Variants in RIPOR2 observed in about 807,000 individuals in gnomAD.
The protein encoded by RIPOR2 is RHO family interacting cell polarization regulator 2.
RIPOR2 carries 39 observed loss-of-function variants against 114.5 expected under a neutral mutation model. The observed-to-expected ratio is 0.34, with a 90% CI of 0.26 to 0.44. RIPOR2 has a LOEUF of 0.44. RIPOR2 is among the 20% of genes least tolerant of loss of function. RIPOR2 has a pLI of 1.00. For missense variants in RIPOR2, 1,007 were observed against 1,255.1 expected (o/e 0.80, Z 2.99); for synonymous variants, 445 against 484.4 (o/e 0.92, Z 1.07).
intron 1 of RIPOR2, among the ~76,000 whole-genome samples, chr6:24,979,283 C>CTTTTTTTTTTT (rs60372040): frequency 4.0e-5 from 4 of 99,458 alleles, no homozygotes; most frequent in African/African-American, 4.1e-5. Context: ...TAGGGAAATT[C>CTTTTTTTTTTT]TTTTTTTTTT....
At chr6:25,008,238 G>A (rs537203463) in intron 1 of RIPOR2, among the ~76,000 whole-genome samples, 2 of 151,878 alleles carry the variant, frequency 1.3e-5, no homozygotes, top group African/African-American at 4.8e-5. Flanking sequence ...AGCTGATCTC[G>A]AACTCCTGAC....
In RIPOR2 at chr6:24,828,147, C is replaced by T. The variant is rs1474793040; in HGVS notation, c.2655G>A (p.Leu885=). The T allele has an allele frequency of 2.6e-6, 4 of 1,547,148 alleles. No homozygotes were observed. In the African/African-American group the frequency reaches 5.5e-5, roughly 21 times the overall value. Residue 885 remains leucine, a synonymous_variant, in exon 18 of 22, where the codon CTG becomes CTA. Transcript: ENST00000643898. ...VSDLESYLSQ[L]ARQVSMVQTL... ...AAGAACATGTCCCACCTTGCCTGGC[C>T]AGCTGGCTCAGGTAACTCTCCAGGT...
chr6:24,938,171 C>T (rs1411866607), upstream of RIPOR2, among the ~76,000 whole-genome samples: 1 of 152,094 alleles, frequency 6.6e-6, no homozygotes, highest in East Asian at 1.9e-4. Flanking sequence ...GAGGATGGGT[C>T]CTTAATCCAA....
intron 1 of RIPOR2, among the ~76,000 whole-genome samples, chr6:24,921,216 G>T (rs1408807992): frequency 6.6e-6 from 1 of 152,084 alleles, no homozygotes; most frequent in Admixed American, 6.5e-5. Context: ...AGGCTGGAGT[G>T]CAGTGGCATG....
chr6:24,871,649 G>A (rs9461077), intron 4 of RIPOR2, among the ~76,000 whole-genome samples: 6 of 152,320 alleles, frequency 3.9e-5, no homozygotes, highest in African/African-American at 1.2e-4. Context: ...CACCACGCCC[G>A]GCCTTAAGAA....
chr6:24,840,882 A>AGTG, intron 13 of RIPOR2: 2 of 1,070,012 alleles, frequency 1.9e-6, no homozygotes, highest in Non-Finnish European at 2.7e-6. Flanking sequence ...CTCACTAGTG[A>AGTG]TGTTTTCAGC....
intron 1 of RIPOR2, among the ~76,000 whole-genome samples, chr6:24,986,163 G>A (rs927083984): frequency 3.9e-5 from 6 of 152,166 alleles, no homozygotes; most frequent in Admixed American, 3.3e-4. Context: ...AGGCTTTCAT[G>A]TATGTGCACT....
intron 18 of RIPOR2, among the ~76,000 whole-genome samples, chr6:24,826,155 G>A (rs4712858): frequency 0.31 from 46,993 of 151,740 alleles, 8,317 homozygotes; most frequent in East Asian, 0.68. Context: ...TCAAACTCCC[G>A]ACCTCAAGTG....
intron 1 of RIPOR2, among the ~76,000 whole-genome samples, chr6:24,912,971 G>A (rs1769785756): frequency 6.6e-6 from 1 of 152,186 alleles, no homozygotes; most frequent in Non-Finnish European, 1.5e-5. Context: ...CTGATACTCT[G>A]AGAAGATGAA....
chr6:24,963,140 C>T (rs1831597), intron 1 of RIPOR2, among the ~76,000 whole-genome samples: 13,404 of 152,200 alleles, frequency 0.088, 1,293 homozygotes, highest in African/African-American at 0.24. Context: ...TGGGTTCAAG[C>T]GATTCTCCAG....
At chr6:25,002,275 C>T (rs1228781041) in intron 1 of RIPOR2, among the ~76,000 whole-genome samples, 19 of 152,064 alleles carry the variant, frequency 1.2e-4, no homozygotes, top group Admixed American at 1.2e-3. Context: ...ATTTTCTTAC[C>T]AAATACTATG....
In RIPOR2 at chr6:25,028,921, G is replaced by A. The variant is rs191216476; in HGVS notation, c.76+12930C>T. Among the ~76,000 whole-genome samples the A allele has an allele frequency of 4.5e-4, 68 of 152,336 alleles. No homozygotes were observed. The East Asian group carries it at 0.013, about 28-fold the overall frequency. ...GGAAAGGCCCTGAGAATGGAGCTCT[G>A]TCTAGGACTGAGAGAAGGCACCATT... On this transcript the variant is annotated intron_variant, in intron 1 of 13. Coordinates refer to the RIPOR2 transcript ENST00000510784.
Position 24,989,851 on chromosome 6 carries a change from G to A in RIPOR2, c.76+52000C>T, listed in dbSNP as rs184356324. ...TCAAGATCAGCCTGGCCAAGATGGT[G>A]AAACCCCATCTCTACTAAAAATACA... On this transcript the variant is annotated intron_variant, in intron 1 of 13. Transcript: ENST00000510784. Among the ~76,000 whole-genome samples, 412 of 151,684 alleles carry A rather than the reference G, an allele frequency of 2.7e-3. 4 individuals are homozygous for A. Among genetic ancestry groups the A allele is most frequent in the African/African-American group, 9.6e-3 (396 of 41,378 alleles).
chr6:24,917,570 C>T (rs1581793905), intron 1 of RIPOR2, among the ~76,000 whole-genome samples: 1 of 151,974 alleles, frequency 6.6e-6, no homozygotes. Flanking sequence ...TGCTCTGTCA[C>T]CCAGGCTGGA....
chr6:24,924,737 A>G (rs1051310128), intron 1 of RIPOR2, among the ~76,000 whole-genome samples: 3 of 152,232 alleles, frequency 2.0e-5, no homozygotes, highest in African/African-American at 4.8e-5. Context: ...AAAGGAAGAA[A>G]GAGATGATAC....
At chr6:24,885,023 G>A (rs1766697085) in intron 1 of RIPOR2, among the ~76,000 whole-genome samples, 2 of 152,098 alleles carry the variant, frequency 1.3e-5, no homozygotes, top group Admixed American at 6.6e-5. Context: ...TAATTATTAA[G>A]TATATATTAT....
intron 1 of RIPOR2, among the ~76,000 whole-genome samples, chr6:24,906,740 G>C (rs1409555444): frequency 6.6e-6 from 1 of 152,096 alleles, no homozygotes; most frequent in East Asian, 1.9e-4. Context: ...AGGCTCAAGC[G>C]ATCCTCCCAC....
intron 1 of RIPOR2, among the ~76,000 whole-genome samples, chr6:24,887,739 T>C (rs1302109468): frequency 5.3e-5 from 8 of 152,228 alleles, no homozygotes; most frequent in African/African-American, 1.9e-4. Flanking sequence ...TTTCTATTCA[T>C]TGGGACAGTC....
At chr6:24,836,453 T>C (rs1344381347) in intron 14 of RIPOR2, among the ~76,000 whole-genome samples, 1 of 152,236 alleles carries the variant, frequency 6.6e-6, no homozygotes, top group African/African-American at 2.4e-5. Flanking sequence ...AACCCCCTTG[T>C]TGAACTGTAT....
Sources: allele counts gnomAD v4.1 joint callset (sites outside exome capture counted in the v4.1 genomes callset), GRCh38; gene constraint gnomAD v4.1.1; transcripts MANE v1.5; gene names NCBI Gene and HGNC (gene_info 2026-07-23, HGNC 2026-07-21).